SNX19: variants seen among roughly 807,000 people sequenced by gnomAD.
SNX19 encodes sorting nexin 19.
A neutral mutation model predicts 85.2 loss-of-function variants in SNX19; 60 were observed. The ratio of observed to expected loss-of-function variants is 0.70; its 90% CI spans 0.57 to 0.87. The LOEUF (loss-of-function observed/expected upper bound fraction) is 0.87, where lower values mean the gene tolerates loss of function less well. Ranked by LOEUF, SNX19 falls within the 40% of genes least tolerant of loss-of-function variation. The pLI, the probability that SNX19 is intolerant of heterozygous loss-of-function variation, is 0.00. For missense variants in SNX19, 1,201 were observed against 1,217.8 expected, an observed-to-expected ratio of 0.99 and a Z score of 0.21; for synonymous variants, 520 against 470.0, an observed-to-expected ratio of 1.11 and a Z score of -1.38.
intron 5 of SNX19, among the ~76,000 whole-genome samples, chr11:130,907,665 G>A (rs74967259): frequency 0.018 from 2,684 of 152,304 alleles, 61 homozygotes; most frequent in African/African-American, 0.055. Context: ...AAAGAGGAAA[G>A]AGAATATCCT....
intron 7 of SNX19, among the ~76,000 whole-genome samples, chr11:130,905,013 A>C (rs1252833048): frequency 6.6e-6 from 1 of 152,232 alleles, no homozygotes. Context: ...GTTCATGGGC[A>C]CCTCAGAAAG....
At chr11:130,896,788 C>T (rs1452874560) in intron 8 of SNX19, among the ~76,000 whole-genome samples, 1 of 152,144 alleles carries the variant, frequency 6.6e-6, no homozygotes, top group East Asian at 1.9e-4. Context: ...TTGTAATAAG[C>T]GTCAGTTCCT....
intron 8 of SNX19, among the ~76,000 whole-genome samples, chr11:130,902,914 A>C (rs1945354068): frequency 6.6e-6 from 1 of 152,212 alleles, no homozygotes; most frequent in South Asian, 2.1e-4. Context: ...AGTTGAGACA[A>C]ATGTCCACCA....
rs1943047566 is a variant in SNX19 at position 130,872,070 on chromosome 11, G to A, written c.*6352C>T. On this transcript the variant is annotated 3_prime_UTR_variant, in exon 11 of 11. Coordinates refer to ENST00000265909, the MANE Select transcript of SNX19 (RefSeq NM_014758.3). ...ACATCCCAGAGATGGTGTGCTGGGG[G>A]CTTTCACGGAAGCGCTTGCAGGTAA... Among the ~76,000 whole-genome samples the A allele has an allele frequency of 6.6e-6, 1 of 152,118 alleles. No homozygotes were observed. Among genetic ancestry groups the A allele is most frequent in the African/African-American group, 2.4e-5 (1 of 41,432 alleles).
rs1943362459 is a variant in SNX19, at chr11:130,877,960, C to T, written c.*462G>A. On this transcript the variant is annotated 3_prime_UTR_variant, in exon 11 of 11. Coordinates refer to ENST00000265909, the MANE Select transcript of SNX19 (RefSeq NM_014758.3). ...ATGGCCCTGAATGAATTTTTAGTTT[C>T]CGGGTAGGAACAGAGAGCTGAGAAG... 6.6e-6 allele frequency: 1 copy of T among 152,332 alleles called. No homozygotes were observed. The highest frequency in any genetic ancestry group is 1.5e-5 in the Non-Finnish European group (1 of 68,184). 9.4% of individuals were successfully genotyped at this position (152,332 alleles called of 1,614,324 possible).
Position 130,874,638 on chromosome 11 carries a change from C to A in SNX19, c.*3784G>T, listed in dbSNP as rs1943151706. Among the ~76,000 whole-genome samples the A allele has an allele frequency of 6.6e-6, 1 of 152,202 alleles. No homozygotes were observed. The highest frequency in any genetic ancestry group is 1.5e-5 in the Non-Finnish European group (1 of 68,036). Reference sequence around the variant, plus strand: ...TAATTTAATTCTTGTCCAGAGCATCCTGATTCATATAGCCAGGGACCATAG... The same window carrying A: ...TAATTTAATTCTTGTCCAGAGCATCATGATTCATATAGCCAGGGACCATAG... On this transcript the variant is annotated 3_prime_UTR_variant, in exon 11 of 11. Transcript: ENST00000265909.
Position 130,905,569 on chromosome 11 carries a change from A to T in SNX19, c.2443+384T>A, listed in dbSNP as rs967216451. On this transcript the variant is annotated intron_variant, in intron 7 of 10. Transcript: ENST00000265909. ...GTGGATCATGGAGCCAACAGAGTGGACTAAGAAGCCACGAAAAAGGCATGA... is the reference window on the plus strand; with the variant it reads ...GTGGATCATGGAGCCAACAGAGTGGTCTAAGAAGCCACGAAAAAGGCATGA... 1.8e-5 allele frequency: 19 copies of T among 1,056,380 alleles called. No homozygotes were observed. In the Admixed American group the frequency reaches 5.6e-4, roughly 31 times the overall value. 65.4% of individuals were successfully genotyped at this position (1,056,380 alleles called of 1,614,324 possible).
Position 130,869,158 on chromosome 11 carries a change from T to C in SNX19, c.*9264A>G, listed in dbSNP as rs1041445434. ...GGAAGACAGACCAACAGGCAAACCC[T>C]AAGGGCGGGTTAGAAAGAAGCTTGA... On this transcript the variant is annotated 3_prime_UTR_variant, in exon 11 of 11. Coordinates refer to ENST00000265909, the MANE Select transcript of SNX19 (RefSeq NM_014758.3). 8 of 152,320 alleles carry C rather than the reference T, an allele frequency of 5.3e-5. No homozygotes were observed. The highest frequency in any genetic ancestry group is 5.2e-4 in the Admixed American group (8 of 15,304). 9.4% of individuals were successfully genotyped at this position (152,320 alleles called of 1,614,324 possible).
chr11:130,879,386 G>T (rs1001410950), intron 10 of SNX19, among the ~76,000 whole-genome samples: 1 of 152,160 alleles, frequency 6.6e-6, no homozygotes, highest in Non-Finnish European at 1.5e-5. Flanking sequence ...AACACAAATG[G>T]TGGGTGGTCC....
rs1354383301 is a variant in SNX19 at position 130,872,751 on chromosome 11, G to T, written c.*5671C>A. 6.6e-6 allele frequency among the ~76,000 whole-genome samples: 1 copy of T among 152,134 alleles called. No individual in the cohort carries two copies. Among genetic ancestry groups the T allele is most frequent in the African/African-American group, 2.4e-5 (1 of 41,432 alleles). On this transcript the variant is annotated 3_prime_UTR_variant, in exon 11 of 11. Transcript: ENST00000265909. ...GCAGAGTGCGCCCAGTTAGGCCTTC[G>T]ACTACAAAAGTATCATGGTTTCCCT...
At chr11:130,908,113 C>T in intron 4 of SNX19, 30 bp from the exon 5 acceptor site, 1 of 1,608,562 alleles carries the variant, frequency 6.2e-7, no homozygotes, top group African/African-American at 1.3e-5. Context: ...AGGGTCAGTC[C>T]ATCCACATCC....
rs551550743 is a variant in SNX19 at position 130,872,342 on chromosome 11, G to A, written c.*6080C>T. Among the ~76,000 whole-genome samples the A allele has an allele frequency of 1.1e-4, 16 of 152,140 alleles. No homozygotes were observed. The highest frequency in any genetic ancestry group is 1.0e-4 in the Non-Finnish European group (7 of 68,018). ...TGCGGGTGCCCAAATTTCCCCCACC[G>A]CTTCACGGTGGCCTTGGCTTTACAC... On this transcript the variant is annotated 3_prime_UTR_variant, in exon 11 of 11. Transcript: ENST00000265909.
At chr11:130,891,748 T>A (rs2135330506) in intron 8 of SNX19, among the ~76,000 whole-genome samples, 1 of 152,314 alleles carries the variant, frequency 6.6e-6, no homozygotes, top group South Asian at 2.1e-4. Flanking sequence ...GGTCTGTGTA[T>A]TTTTAGGATA....
intron 8 of SNX19, chr11:130,893,890 T>G (rs1944681916): frequency 2.9e-6 from 2 of 696,468 alleles, no homozygotes; most frequent in Non-Finnish European, 5.2e-6. Context: ...ACTCCCTCCC[T>G]GCTCCAGTAC....
intron 8 of SNX19, among the ~76,000 whole-genome samples, chr11:130,889,433 T>C (rs1279437578): frequency 6.6e-6 from 1 of 152,132 alleles, no homozygotes; most frequent in Non-Finnish European, 1.5e-5. Flanking sequence ...GGCAGAAATC[T>C]TATGTAATTC....
At chr11:130,880,508 A>G (rs1404273942) in intron 9 of SNX19, 114 bp downstream of exon 9, 2 of 933,488 alleles carry the variant, frequency 2.1e-6, no homozygotes, top group Non-Finnish European at 3.2e-6. Flanking sequence ...AGAGTTTTGA[A>G]TCTAGCCACA....
chr11:130,888,195 T>A lies in SNX19; in HGVS notation c.2574-7389A>T, dbSNP rs769712505. 3.5e-4 allele frequency among the ~76,000 whole-genome samples: 54 copies of A among 152,334 alleles called. 1 individual carries two copies. Among genetic ancestry groups the A allele is most frequent in the Middle Eastern group, 6.8e-3 (2 of 294 alleles). The stretch of plus-strand genomic sequence containing the variant: ...AAAATCTAAATTATAGTTCATCTTG[T>A]TGGCTTTAGATTATCATTCTAAGTT... On this transcript the variant is annotated intron_variant, in intron 8 of 10. Transcript: ENST00000265909.
At chr11:130,891,077 T>C (rs7105290) in intron 8 of SNX19, among the ~76,000 whole-genome samples, 13,720 of 152,204 alleles carry the variant, frequency 0.09, 1,282 homozygotes, top group African/African-American at 0.24. Context: ...AGCAAAAACA[T>C]TGAGCTCTTA....
rs1462079206 is a variant in SNX19 at position 130,910,140 on chromosome 11, G to A, written c.1915-3C>T. The A allele has an allele frequency of 1.2e-6, 2 of 1,614,132 alleles. No individual in the cohort carries two copies. Reference sequence around the variant, plus strand: ...ATCTCCGGAATGGCACAGAGTTGCTGCAAAAGTAAAACACACACACATTTT... The same window carrying A: ...ATCTCCGGAATGGCACAGAGTTGCTACAAAAGTAAAACACACACACATTTT... On this transcript the variant is annotated splice_region_variant and splice_polypyrimidine_tract_variant and intron_variant, in intron 3 of 10. Coordinates refer to ENST00000265909, the MANE Select transcript of SNX19 (RefSeq NM_014758.3).
Sources: allele counts gnomAD v4.1 joint callset (sites outside exome capture counted in the v4.1 genomes callset), GRCh38; gene constraint gnomAD v4.1.1; transcripts MANE v1.5; gene names NCBI Gene and HGNC (gene_info 2026-07-23, HGNC 2026-07-21).